The following ARHGAP32 variants were observed in gnomAD, a reference collection of about 807,000 sequenced individuals.
The protein encoded by ARHGAP32 is rho GTPase-activating protein 32.
A neutral mutation model predicts 186.5 loss-of-function variants in ARHGAP32; 51 were observed. The observed-to-expected ratio is 0.27, with a 90% confidence interval of 0.22 to 0.35. ARHGAP32 has a LOEUF of 0.35. Ranked by LOEUF, ARHGAP32 falls within the 10% of genes least tolerant of loss-of-function variation. The probability of loss-of-function intolerance (pLI) is 1.00; values close to 1 mark genes in which losing one functional copy is unlikely to be tolerated. For synonymous variants in ARHGAP32, 950 were observed against 964.3 expected (o/e 0.99, Z 0.27); for missense variants, 2,186 against 2,623.5 (o/e 0.83, Z 3.64).
In ARHGAP32 at chr11:129,034,823, AAAGAAAAAG is replaced by A. The variant is rs1426670322; in HGVS notation, c.1045+6096_1045+6104del. On this transcript the variant is annotated intron_variant, in intron 11 of 22. Coordinates refer to ENST00000682385, the MANE Select transcript of ARHGAP32 (RefSeq NM_001378024.1). ...AGACAGAGCGAAACTGTCTCAAAAA[AAAGAAAAAG>A]AAGAAAAAGAAAACAGAGTAAAAAA... Among the ~76,000 whole-genome samples the A allele has an allele frequency of 4.8e-5, 7 of 145,518 alleles. No individual in the cohort carries two copies. In the East Asian group the frequency reaches 8.0e-4, roughly 17 times the overall value.
intron 11 of ARHGAP32, among the ~76,000 whole-genome samples, chr11:129,006,140 C>A (rs1289013772): frequency 6.6e-6 from 1 of 152,058 alleles, no homozygotes; most frequent in African/African-American, 2.4e-5. Context: ...TTCTGTGTTA[C>A]CTTGAATTTC....
intron 18 of ARHGAP32, among the ~76,000 whole-genome samples, chr11:128,979,870 A>G (rs1945658562): frequency 6.6e-6 from 1 of 152,220 alleles, no homozygotes; most frequent in African/African-American, 2.4e-5. Context: ...TAAAGAAGAT[A>G]CAGAAACCAT....
intron 1 of ARHGAP32, among the ~76,000 whole-genome samples, chr11:129,235,578 A>C (rs946584725): frequency 6.6e-4 from 100 of 152,158 alleles, no homozygotes; most frequent in African/African-American, 2.3e-3. Context: ...GTCTTCATAT[A>C]AGAGAAAACA....
intron 5 of ARHGAP32, among the ~76,000 whole-genome samples, chr11:129,117,229 A>C (rs1057063317): frequency 3.9e-5 from 6 of 152,000 alleles, no homozygotes; most frequent in African/African-American, 1.4e-4. Context: ...ACAGTCCACA[A>C]AACGGTTTAA....
chr11:128,998,633 T>C (rs1735919627), intron 11 of ARHGAP32, among the ~76,000 whole-genome samples, 165 bp from the exon 12 acceptor site: 1 of 152,228 alleles, frequency 6.6e-6, no homozygotes, highest in South Asian at 2.1e-4. Flanking sequence ...AAGAGTTGTG[T>C]TATAAATAAC....
At position 128,998,424 on chromosome 11, in the gene ARHGAP32, T is replaced by C; in HGVS notation, c.1090A>G (p.Met364Val). The C allele has an allele frequency of 6.3e-7, 1 of 1,592,012 alleles. No homozygotes were observed. The highest frequency in any genetic ancestry group is 8.6e-7 in the Non-Finnish European group (1 of 1,167,860). ...GKLITFLRTF[M>V]KSRPTKQKLK... ...TTCTGTTTTGTTGGACGAGACTTCA[T>C]GAATGTTCGTAAGAACGTAATGAGC... Residue 364 changes from methionine (M) to valine (V), a missense_variant, in exon 12 of 23, where the codon ATG becomes GTG. Physicochemically the swap from Met to Val is conservative, Grantham distance 21 (BLOSUM62 1). This residue lies in a region of ARHGAP32 where 308 missense variants were observed against 596.5 expected (regional missense o/e 0.52). Coordinates refer to ENST00000682385, the MANE Select transcript of ARHGAP32 (RefSeq NM_001378024.1).
At chr11:129,157,446 T>C (rs1027263558) in intron 2 of ARHGAP32, among the ~76,000 whole-genome samples, 2 of 151,504 alleles carry the variant, frequency 1.3e-5, no homozygotes, top group Non-Finnish European at 1.5e-5. Context: ...CAAGTATCAA[T>C]AGCCAAATTG....
chr11:129,147,605 T>TA (rs1192040863), intron 2 of ARHGAP32, among the ~76,000 whole-genome samples: 3 of 152,160 alleles, frequency 2.0e-5, no homozygotes, highest in African/African-American at 7.2e-5. Flanking sequence ...ATGAGAGTAA[T>TA]ACAGATCATT....
intron 1 of ARHGAP32, among the ~76,000 whole-genome samples, chr11:129,232,183 A>G (rs1336037938): frequency 6.6e-6 from 1 of 152,104 alleles, no homozygotes; most frequent in South Asian, 2.1e-4. Context: ...GAGTTTGAGA[A>G]CCACACTCAC....
At chr11:129,064,119 A>T in intron 8 of ARHGAP32, 95 bp from the exon 9 acceptor site, 12 of 1,198,956 alleles carry the variant, frequency 1.0e-5, no homozygotes, top group Non-Finnish European at 1.3e-5. Flanking sequence ...ATTTAGAGAT[A>T]CAATAACCCA....
At chr11:129,134,158 T>C (rs566788061) in intron 2 of ARHGAP32, among the ~76,000 whole-genome samples, 43 of 152,076 alleles carry the variant, frequency 2.8e-4, no homozygotes, top group East Asian at 2.3e-3. Context: ...AATAATCATA[T>C]AGTCATCTCT....
At chr11:128,976,489 A>T (rs1945544732) in intron 20 of ARHGAP32, 74 bp downstream of exon 20, 1 of 1,224,622 alleles carries the variant, frequency 8.2e-7, no homozygotes, top group African/African-American at 1.5e-5. Flanking sequence ...ACAGATATAT[A>T]AAAATATACT....
chr11:129,198,145 T>C (rs1343186053), intron 1 of ARHGAP32, among the ~76,000 whole-genome samples: 3 of 152,214 alleles, frequency 2.0e-5, no homozygotes, highest in African/African-American at 7.2e-5. Flanking sequence ...CTTTCAACTG[T>C]TCATAGAAGC....
At chr11:129,158,691 C>T (rs1309457329) in intron 2 of ARHGAP32, among the ~76,000 whole-genome samples, 1 of 152,150 alleles carries the variant, frequency 6.6e-6, no homozygotes, top group African/African-American at 2.4e-5. Context: ...GACTTGAACC[C>T]AGCTCTGGAT....
intron 1 of ARHGAP32, among the ~76,000 whole-genome samples, chr11:129,240,747 TTC>T (rs201884343): frequency 1.8e-4 from 27 of 152,348 alleles, no homozygotes; most frequent in African/African-American, 5.5e-4. Flanking sequence ...GATTAATATT[TTC>T]TTTTATATTT....
chr11:129,240,175 A>AC (rs1047882283), intron 1 of ARHGAP32, among the ~76,000 whole-genome samples: 13 of 151,850 alleles, frequency 8.6e-5, no homozygotes, highest in African/African-American at 3.1e-4. Flanking sequence ...CATACAATAT[A>AC]CCCCCACAGC....
intron 1 of ARHGAP32, among the ~76,000 whole-genome samples, chr11:129,200,105 C>T (rs1157067261): frequency 6.6e-6 from 1 of 152,166 alleles, no homozygotes; most frequent in East Asian, 1.9e-4. Context: ...TGCCTGTACC[C>T]CCCATTGTAT....
intron 1 of ARHGAP32, among the ~76,000 whole-genome samples, chr11:129,234,005 A>T (rs891197521): frequency 2.0e-5 from 3 of 152,086 alleles, no homozygotes; most frequent in Admixed American, 6.6e-5. Context: ...ATTTCATTTT[A>T]AAAAAACCTG....
intron 2 of ARHGAP32, among the ~76,000 whole-genome samples, chr11:129,128,650 A>C (rs532026192): frequency 4.4e-5 from 6 of 135,946 alleles, no homozygotes; most frequent in East Asian, 2.2e-4. Context: ...GCTGGACTGT[A>C]CTGCCGCCAT....
Sources: allele counts gnomAD v4.1 joint callset (sites outside exome capture counted in the v4.1 genomes callset), GRCh38; gene constraint gnomAD v4.1.1; regional missense constraint gnomAD v4.1.1; transcripts MANE v1.5; gene names NCBI Gene and HGNC (gene_info 2026-07-23, HGNC 2026-07-21).